Variants in DLGAP4 observed in about 807,000 individuals in gnomAD.
The protein encoded by DLGAP4 is disks large-associated protein 4.
In DLGAP4, 18 loss-of-function variants were observed where a neutral mutation model predicts 86.9. The ratio of observed to expected loss-of-function variants is 0.21; its 90% CI spans 0.14 to 0.31. DLGAP4 has a LOEUF of 0.31. Ranked by LOEUF, DLGAP4 falls within the 10% of genes least tolerant of loss-of-function variation. The pLI, the probability that DLGAP4 is intolerant of heterozygous loss-of-function variation, is 1.00. For missense variants in DLGAP4, 1,085 were observed against 1,362.6 expected (o/e 0.80, Z 3.21); for synonymous variants, 548 against 574.3 (o/e 0.95, Z 0.65).
At chr20:36,327,660 C>T (rs1555891118) in intron 1 of DLGAP4, among the ~76,000 whole-genome samples, 3 of 142,182 alleles carry the variant, frequency 2.1e-5, no homozygotes, top group Non-Finnish European at 4.6e-5. Context: ...GGCGGGATCT[C>T]GGCTCACTGC....
chr20:36,319,159 A>G (rs1032928926), intron 1 of DLGAP4, among the ~76,000 whole-genome samples: 5 of 152,010 alleles, frequency 3.3e-5, no homozygotes, highest in South Asian at 4.2e-4. Flanking sequence ...GAAAAAAAAA[A>G]AAAGAAAAAC....
rs931518327 is a variant in DLGAP4 at position 36,412,264 on chromosome 20, G to T, written c.-72-19382G>T. On this transcript the variant is annotated intron_variant, in intron 2 of 12. Transcript: ENST00000339266. The stretch of plus-strand genomic sequence containing the variant: ...GCGAGGCAGGTGGCCTCCAGAATCC[G>T]CCTGCCCTGCAGTCAGAGCTCTGAG... Among the ~76,000 whole-genome samples the T allele has an allele frequency of 2.0e-5, 3 of 152,352 alleles. No homozygotes were observed. The East Asian group carries it at 5.8e-4, about 29-fold the overall frequency.
At chr20:36,437,087 C>G (rs2033308235) in intron 4 of DLGAP4, among the ~76,000 whole-genome samples, 1 of 152,210 alleles carries the variant, frequency 6.6e-6, no homozygotes, top group Non-Finnish European at 1.5e-5. Context: ...TGTCCCTCAG[C>G]TTCAGATCCA....
In DLGAP4 at chr20:36,528,289, C is replaced by G. The variant is rs571455239; in HGVS notation, c.*1258C>G. ...CATCCCACTCCCAGGGTGTCACGAG[C>G]CCTGAGCTGCAATGGCCCGGGCCTG... On this transcript the variant is annotated 3_prime_UTR_variant, in exon 13 of 13. Transcript: ENST00000339266. 1 of 152,868 alleles carries G rather than the reference C, an allele frequency of 6.5e-6. No individual in the cohort carries two copies. Among genetic ancestry groups the G allele is most frequent in the South Asian group, 2.1e-4 (1 of 4,826 alleles). 9.5% of individuals were successfully genotyped at this position (152,868 alleles called of 1,614,324 possible).
rs530962556 is a variant in DLGAP4 at position 36,447,605 on chromosome 20, G to A, written c.1648+668G>A. On this transcript the variant is annotated intron_variant, in intron 7 of 12. Transcript: ENST00000339266. Reference sequence around the variant, plus strand: ...CTGGCTAATTTTTGTATTTTTAGTAGAGATGGGATTTCACCATGTTGGCCA... The same window carrying A: ...CTGGCTAATTTTTGTATTTTTAGTAAAGATGGGATTTCACCATGTTGGCCA... Among the ~76,000 whole-genome samples, 395 of 152,192 alleles carry A rather than the reference G, an allele frequency of 2.6e-3. 2 individuals carry two copies. The highest frequency in any genetic ancestry group is 4.0e-3 in the Non-Finnish European group (275 of 68,012).
chr20:36,438,240 G>A lies in DLGAP4; in HGVS notation c.1242-1514G>A, dbSNP rs1420302270. ...AGTATATAAATTAGCAGATTGTGGC[G>A]GTGCATGCCTATAATCCCAGCTACT... On this transcript the variant is annotated intron_variant, in intron 4 of 12. Coordinates refer to ENST00000339266, the MANE Select transcript of DLGAP4 (RefSeq NM_001365621.2). Among the ~76,000 whole-genome samples the A allele has an allele frequency of 1.3e-5, 2 of 151,928 alleles. 1 individual carries two copies. The highest frequency in any genetic ancestry group is 4.2e-4 in the South Asian group (2 of 4,818).
chr20:36,413,274 G>A (rs994532504), intron 2 of DLGAP4, among the ~76,000 whole-genome samples: 1 of 151,730 alleles, frequency 6.6e-6, no homozygotes, highest in African/African-American at 2.4e-5. Context: ...CACCGTGCCC[G>A]GCCTTATTCC....
At chr20:36,477,963 C>G (rs6013422) in intron 7 of DLGAP4, among the ~76,000 whole-genome samples, 104 of 152,264 alleles carry the variant, frequency 6.8e-4, no homozygotes, top group African/African-American at 2.4e-3. Flanking sequence ...GTCAGTCTTT[C>G]GAAGGACAGT....
intron 1 of DLGAP4, among the ~76,000 whole-genome samples, chr20:36,334,528 C>T (rs1441027805): frequency 1.3e-5 from 2 of 152,096 alleles, no homozygotes; most frequent in African/African-American, 4.8e-5. Context: ...TTTGCAGGGG[C>T]CCAGGTGGCC....
At chr20:36,439,205 A>C (rs1203309987) in intron 4 of DLGAP4, among the ~76,000 whole-genome samples, 6 of 152,198 alleles carry the variant, frequency 3.9e-5, no homozygotes, top group African/African-American at 1.4e-4. Context: ...GCAGGCAGGT[A>C]GCATCATCCC....
chr20:36,329,923 T>G (rs1206857260), intron 1 of DLGAP4, among the ~76,000 whole-genome samples: 2 of 151,026 alleles, frequency 1.3e-5, no homozygotes, highest in African/African-American at 4.9e-5. Context: ...CTCAGCTACC[T>G]GGGAGGCCAA....
intron 2 of DLGAP4, among the ~76,000 whole-genome samples, chr20:36,428,617 C>T (rs55948010): frequency 1.6e-4 from 24 of 152,216 alleles, no homozygotes; most frequent in African/African-American, 5.8e-4. Flanking sequence ...ACACTGTCCC[C>T]TTTCTTTGCA....
At chr20:36,512,930 C>CTTTTTT (rs1390698701) in intron 10 of DLGAP4, among the ~76,000 whole-genome samples, 2 of 66,500 alleles carry the variant, frequency 3.0e-5, no homozygotes, top group South Asian at 4.8e-4. Flanking sequence ...TCTCAGAGGC[C>CTTTTTT]CTTTTTTTTT....
intron 2 of DLGAP4, among the ~76,000 whole-genome samples, chr20:36,377,988 A>G (rs527868895): frequency 1.3e-5 from 2 of 152,284 alleles, no homozygotes; most frequent in East Asian, 1.9e-4. Flanking sequence ...TGGTCCTTCC[A>G]GGGGGCTGGA....
At chr20:36,413,694 C>T (rs1228066262) in intron 2 of DLGAP4, among the ~76,000 whole-genome samples, 2 of 151,992 alleles carry the variant, frequency 1.3e-5, no homozygotes, top group Admixed American at 6.6e-5. Context: ...GCTGGAATTA[C>T]AGGCATAAGC....
chr20:36,474,839 G>T (rs986459809), intron 7 of DLGAP4, among the ~76,000 whole-genome samples: 3 of 152,212 alleles, frequency 2.0e-5, no homozygotes, highest in African/African-American at 7.2e-5. Flanking sequence ...TTACTTGAGT[G>T]CCAAGTGCTG....
chr20:36,342,668 C>T (rs1443431811), intron 1 of DLGAP4, among the ~76,000 whole-genome samples: 1 of 152,174 alleles, frequency 6.6e-6, no homozygotes, highest in Non-Finnish European at 1.5e-5. Context: ...GTAACCTCTG[C>T]CAACTGGAAA....
At chr20:36,338,215 C>G (rs1256332212) in intron 1 of DLGAP4, among the ~76,000 whole-genome samples, 2 of 152,138 alleles carry the variant, frequency 1.3e-5, no homozygotes, top group South Asian at 2.1e-4. Flanking sequence ...GACTCACCCA[C>G]GAGTGCAAGG....
intron 2 of DLGAP4, among the ~76,000 whole-genome samples, chr20:36,378,810 C>T (rs960512483): frequency 6.6e-6 from 1 of 151,846 alleles, no homozygotes; most frequent in African/African-American, 2.4e-5. Flanking sequence ...TAGGAGGGTT[C>T]GGGGAAGCTG....
Sources: gnomAD v4.1 joint callset for allele counts (sites outside exome capture counted in the v4.1 genomes callset) on GRCh38, gnomAD v4.1.1 for gene constraint, MANE v1.5 for transcripts, NCBI Gene and HGNC (gene_info 2026-07-23, HGNC 2026-07-21) for gene names.